Variants in ERC1 observed in about 807,000 individuals in gnomAD.
The protein encoded by ERC1 is ELKS/RAB6-interacting/CAST family member 1.
Under a neutral mutation model 132.0 loss-of-function variants are expected in ERC1, and 56 were observed. That is an observed-to-expected ratio of 0.42 (90% confidence interval 0.34 to 0.53). The LOEUF (loss-of-function observed/expected upper bound fraction) is 0.53. ERC1 is among the 20% of genes least tolerant of loss of function. The pLI is 0.03. For synonymous variants in ERC1, 478 were observed against 476.1 expected, an observed-to-expected ratio of 1.00 and a Z score of -0.05; for missense variants, 1,202 against 1,349.9, an observed-to-expected ratio of 0.89 and a Z score of 1.72.
chr12:1,397,515 A>C (rs889395582), intron 16 of ERC1, among the ~76,000 whole-genome samples: 2 of 152,240 alleles, frequency 1.3e-5, no homozygotes, highest in Non-Finnish European at 2.9e-5. Flanking sequence ...ATATGGAGCG[A>C]TTCCCAGAAC....
intron 1 of ERC1, among the ~76,000 whole-genome samples, chr12:995,821 C>A (rs1357654950): frequency 6.6e-6 from 1 of 151,862 alleles, no homozygotes; most frequent in East Asian, 1.9e-4. Flanking sequence ...GAGGGGAAAT[C>A]AAGAGGAACC....
chr12:1,142,210 A>G lies in ERC1; in HGVS notation c.1737+423A>G, dbSNP rs372570829. 1.1e-4 allele frequency among the ~76,000 whole-genome samples: 17 copies of G among 152,308 alleles called. No homozygotes were observed. The East Asian group carries it at 1.7e-3, about 16-fold the overall frequency. On this transcript the variant is annotated intron_variant, in intron 8 of 18. Coordinates refer to ENST00000360905, the MANE Select transcript of ERC1 (RefSeq NM_178040.4). ...GCATCCAGACCAACACATAATTCAT[A>G]TATGAGCAAAAAAAATGTGTGTGTG... is the stretch of plus-strand genomic sequence containing the variant.
At position 1,493,548 on chromosome 12, in the gene ERC1, A is replaced by AAAAATATATATATATATATATAT. The variant is rs56939346; in HGVS notation, c.*3319_*3320insAAATATATATATATATATATATA. 7.3e-5 allele frequency: 1 copy of AAAAATATATATATATATATATAT among 13,618 alleles called. No individual in the cohort carries two copies. Among genetic ancestry groups the AAAAATATATATATATATATATAT allele is most frequent in the Non-Finnish European group, 1.5e-4 (1 of 6,820 alleles). 0.8% of individuals were successfully genotyped at this position (13,618 alleles called of 1,614,324 possible). On this transcript the variant is annotated 3_prime_UTR_variant, in exon 19 of 19. Coordinates refer to ENST00000360905, the MANE Select transcript of ERC1 (RefSeq NM_178040.4). ...ACTCCATTTAAAAAAAAAAAAAAAAAATATATATATATATATATATATATA... is the reference window on the plus strand; with the variant it reads ...ACTCCATTTAAAAAAAAAAAAAAAAAAAAATATATATATATATATATATATATATATATATATATATATATATA...
intron 1 of ERC1, among the ~76,000 whole-genome samples, chr12:1,017,288 T>G (rs1965677443): frequency 6.6e-6 from 1 of 152,040 alleles, no homozygotes; most frequent in Admixed American, 6.6e-5. Flanking sequence ...TGACCCACCA[T>G]GCTCGTCCTG....
At chr12:1,385,930 T>A (rs2089287138) in intron 16 of ERC1, 1 of 151,754 alleles carries the variant, frequency 6.6e-6, no homozygotes, top group Non-Finnish European at 1.5e-5. Context: ...CATAATGATA[T>A]AACTATAGGA....
At chr12:1,065,820 T>C (rs147985101) in intron 2 of ERC1, among the ~76,000 whole-genome samples, 4,437 of 152,128 alleles carry the variant, frequency 0.029, 82 homozygotes, top group Middle Eastern at 0.061. Flanking sequence ...TACAATAGAG[T>C]AGTATTCAGC....
At chr12:1,147,450 T>C (rs1950484583) in intron 8 of ERC1, among the ~76,000 whole-genome samples, 2 of 152,234 alleles carry the variant, frequency 1.3e-5, no homozygotes, top group Non-Finnish European at 2.9e-5. Flanking sequence ...GACTTAATAG[T>C]TTCAAAACAT....
At chr12:1,112,686 G>A (rs575630100) in intron 6 of ERC1, among the ~76,000 whole-genome samples, 1 of 152,220 alleles carries the variant, frequency 6.6e-6, no homozygotes, top group East Asian at 1.9e-4. Flanking sequence ...GAGTTTATTT[G>A]AATTTGAAAC....
intron 1 of ERC1, among the ~76,000 whole-genome samples, chr12:1,003,295 G>A (rs1962828896): frequency 6.6e-6 from 1 of 151,960 alleles, no homozygotes; most frequent in Non-Finnish European, 1.5e-5. Flanking sequence ...ATAGTTTTCT[G>A]TGCAGTATTA....
chr12:1,434,519 G>A (rs1299746375), intron 17 of ERC1, among the ~76,000 whole-genome samples: 1 of 152,180 alleles, frequency 6.6e-6, no homozygotes, highest in Non-Finnish European at 1.5e-5. Flanking sequence ...GTTCCCCCAT[G>A]AGTATCAGTC....
chr12:1,173,808 T>A (rs1272119888), intron 8 of ERC1, among the ~76,000 whole-genome samples: 2 of 152,214 alleles, frequency 1.3e-5, no homozygotes, highest in African/African-American at 4.8e-5. Context: ...TAAACTGAGG[T>A]CCTTGATCAC....
intron 17 of ERC1, among the ~76,000 whole-genome samples, chr12:1,438,333 G>A (rs954330069): frequency 6.6e-6 from 1 of 152,176 alleles, no homozygotes; most frequent in Admixed American, 6.5e-5. Flanking sequence ...TGGGGCCTCT[G>A]GATAAGAATG....
intron 12 of ERC1, among the ~76,000 whole-genome samples, chr12:1,217,860 C>G (rs1275627445): frequency 6.6e-6 from 1 of 152,166 alleles, no homozygotes; most frequent in Non-Finnish European, 1.5e-5. Context: ...TGCAAAACCT[C>G]AATCCTGATT....
chr12:1,330,380 C>T (rs1243701208), intron 15 of ERC1, among the ~76,000 whole-genome samples: 1 of 152,192 alleles, frequency 6.6e-6, no homozygotes, highest in Non-Finnish European at 1.5e-5. Flanking sequence ...CTCCTTGCAA[C>T]AGTCAGTATT....
At chr12:1,033,190 C>A (rs1968394435) in intron 2 of ERC1, among the ~76,000 whole-genome samples, 1 of 152,094 alleles carries the variant, frequency 6.6e-6, no homozygotes, top group Non-Finnish European at 1.5e-5. Context: ...GCGCCTGCCA[C>A]CACGCCCAGC....
At chr12:1,213,006 C>G (rs1356156957) in intron 12 of ERC1, among the ~76,000 whole-genome samples, 1 of 152,192 alleles carries the variant, frequency 6.6e-6, no homozygotes, top group Admixed American at 6.5e-5. Flanking sequence ...TCTTACATCC[C>G]AGAGCCTATT....
Position 1,063,085 on chromosome 12 carries a change from C to T in ERC1, c.670-20079C>T, listed in dbSNP as rs964530139. 1.7e-4 allele frequency among the ~76,000 whole-genome samples: 26 copies of T among 151,236 alleles called. 1 individual carries two copies. Among genetic ancestry groups the T allele is most frequent in the Middle Eastern group, 6.8e-3 (2 of 294 alleles). ...TCCTTCATTTTCTTTTTTTTTGAGA[C>T]GGAGTTTCACCCTTGTTGCCCAGGC... is the stretch of plus-strand genomic sequence containing the variant. On this transcript the variant is annotated intron_variant, in intron 2 of 18. Transcript: ENST00000360905.
At chr12:1,119,542 TGTGTGTGTGTGTGTGTGTGTGTGTGTGA>T (rs1437855760) in intron 7 of ERC1, among the ~76,000 whole-genome samples, 105 of 83,716 alleles carry the variant, frequency 1.3e-3, no homozygotes, top group East Asian at 3.6e-3. Context: ...TGTGTGTGTG[TGTGTGTGTGTGTGTGTGTGTGTGTGTGA>T]GATGGAGTTT....
At chr12:1,204,577 A>T in intron 12 of ERC1, 5 of 1,436,760 alleles carry the variant, frequency 3.5e-6, no homozygotes, top group Non-Finnish European at 4.8e-6. Flanking sequence ...ATTGTCTTGA[A>T]TTCTTACAGG....
Sources: allele counts gnomAD v4.1 joint callset (sites outside exome capture counted in the v4.1 genomes callset), GRCh38; gene constraint gnomAD v4.1.1; transcripts MANE v1.5; gene names NCBI Gene and HGNC (gene_info 2026-07-23, HGNC 2026-07-21).